The following NHEJ1 variants were observed in gnomAD, a reference collection of about 807,000 sequenced individuals.
NHEJ1 encodes the protein non-homologous end joining factor 1.
Under a neutral mutation model 39.4 loss-of-function variants are expected in NHEJ1, and 22 were observed. The observed-to-expected ratio is 0.56, with a 90% CI of 0.40 to 0.80. The LOEUF is 0.80. Among genes scored for constraint, NHEJ1 ranks in the 30% least tolerant of loss-of-function variants. The pLI, the probability that NHEJ1 is intolerant of heterozygous loss-of-function variation, is 0.00. For synonymous variants in NHEJ1, 154 were observed against 135.6 expected, an observed-to-expected ratio of 1.14 and a Z score of -0.94; for missense variants, 329 against 357.1, an observed-to-expected ratio of 0.92 and a Z score of 0.63.
chr2:219,122,061 G>A (rs1168423435), intron 5 of NHEJ1, among the ~76,000 whole-genome samples: 1 of 152,082 alleles, frequency 6.6e-6, no homozygotes, highest in African/African-American at 2.4e-5. Context: ...AGGAGTAGAA[G>A]ACCACTTTAT....
intron 1 of NHEJ1, chr2:219,158,697 C>T: frequency 5.5e-6 from 2 of 364,466 alleles, no homozygotes; most frequent in South Asian, 2.5e-5. Context: ...GAAACCTAAA[C>T]CCTTCTTGTT....
intron 3 of NHEJ1, among the ~76,000 whole-genome samples, chr2:219,153,692 A>AGGGG (rs61240146): frequency 1.9e-4 from 15 of 79,428 alleles, no homozygotes; most frequent in African/African-American, 7.9e-4. Flanking sequence ...AAGAAAGAAA[A>AGGGG]GGGGGGGGGG....
intron 5 of NHEJ1, chr2:219,095,345 A>T (rs763344612): frequency 6.4e-6 from 3 of 470,988 alleles, no homozygotes; most frequent in Non-Finnish European, 1.3e-5. Flanking sequence ...TTTGATGGGT[A>T]TATCTTTTAA....
At chr2:219,106,547 G>A (rs1949315293) in intron 5 of NHEJ1, among the ~76,000 whole-genome samples, 1 of 152,080 alleles carries the variant, frequency 6.6e-6, no homozygotes, top group Admixed American at 6.5e-5. Flanking sequence ...TGCTCTCCTT[G>A]GACTCAGAGA....
At chr2:219,138,352 A>G (rs1016394680) in intron 5 of NHEJ1, among the ~76,000 whole-genome samples, 5 of 152,252 alleles carry the variant, frequency 3.3e-5, no homozygotes, top group African/African-American at 1.2e-4. Context: ...TGCCTTTCAG[A>G]AAACATAAAT....
At chr2:219,112,548 C>T (rs1949375239) in intron 5 of NHEJ1, among the ~76,000 whole-genome samples, 1 of 152,032 alleles carries the variant, frequency 6.6e-6, no homozygotes, top group Non-Finnish European at 1.5e-5. Context: ...TAAAAGTCTC[C>T]TAGGGGCACA....
rs1356295915 is a variant in NHEJ1 at position 219,158,293 on chromosome 2, A to G, written c.70T>C (p.Leu24=). Residue 24 remains leucine, a synonymous_variant, in exon 2 of 8, where the codon TTG becomes CTG. Transcript: ENST00000356853. ...TGCTTGGTGATAAAAACCTTGGCCAAGAGGGAGTTCTCTGCAAGCTGTAGC... is the reference window on the plus strand; with the variant it reads ...TGCTTGGTGATAAAAACCTTGGCCAGGAGGGAGTTCTCTGCAAGCTGTAGC... ...AWLQLAENSL[L]AKVFITKQGY... 6.2e-7 allele frequency: 1 copy of G among 1,614,218 alleles called. No homozygotes were observed. The highest frequency in any genetic ancestry group is 8.5e-7 in the Non-Finnish European group (1 of 1,180,046).
chr2:219,130,008 A>C (rs1176256991), intron 5 of NHEJ1, among the ~76,000 whole-genome samples: 1 of 116,700 alleles, frequency 8.6e-6, no homozygotes. Flanking sequence ...TCTCAGTTCT[A>C]TTTTCAGAAC....
intron 1 of NHEJ1, chr2:219,158,713 T>C (rs539354091): frequency 3.0e-6 from 1 of 331,500 alleles, no homozygotes; most frequent in East Asian, 7.4e-5. Flanking sequence ...TTGTTCCATC[T>C]TTATCACATT....
intron 5 of NHEJ1, among the ~76,000 whole-genome samples, chr2:219,082,777 C>T (rs538193804): frequency 2.4e-4 from 36 of 152,338 alleles, no homozygotes; most frequent in African/African-American, 4.6e-4. Context: ...GCCCACAACA[C>T]GTGACTTCCC....
intron 5 of NHEJ1, among the ~76,000 whole-genome samples, chr2:219,117,491 G>C (rs1011183170): frequency 5.3e-5 from 8 of 152,300 alleles, no homozygotes; most frequent in Middle Eastern, 3.4e-3. Context: ...CTGGTGCCCT[G>C]GGAGTTCCCA....
chr2:219,121,336 T>C (rs1184458090), intron 5 of NHEJ1, among the ~76,000 whole-genome samples: 1 of 152,218 alleles, frequency 6.6e-6, no homozygotes, highest in African/African-American at 2.4e-5. Context: ...TGTACTATCT[T>C]GAGCAAAATG....
chr2:219,131,510 A>C (rs1200633877), intron 5 of NHEJ1, among the ~76,000 whole-genome samples: 1 of 152,242 alleles, frequency 6.6e-6, no homozygotes, highest in Non-Finnish European at 1.5e-5. Flanking sequence ...AAGGGCAAAA[A>C]TCGGCAAATA....
chr2:219,138,582 G>T (rs1388984368), intron 5 of NHEJ1, among the ~76,000 whole-genome samples: 1 of 152,216 alleles, frequency 6.6e-6, no homozygotes, highest in Non-Finnish European at 1.5e-5. Flanking sequence ...AGGCACTTGG[G>T]CTAGACCAGT....
intron 5 of NHEJ1, among the ~76,000 whole-genome samples, chr2:219,090,217 T>C (rs781596868): frequency 1.3e-5 from 2 of 152,176 alleles, no homozygotes; most frequent in Non-Finnish European, 2.9e-5. Context: ...ACTGGGAAAA[T>C]CACTTTATTC....
intron 5 of NHEJ1, among the ~76,000 whole-genome samples, chr2:219,119,866 C>T (rs898408144): frequency 2.6e-5 from 4 of 152,154 alleles, no homozygotes; most frequent in African/African-American, 9.7e-5. Context: ...TTTTTATATC[C>T]AGTCCTACAG....
At chr2:219,091,626 C>T (rs1218699614) in intron 5 of NHEJ1, among the ~76,000 whole-genome samples, 3 of 152,154 alleles carry the variant, frequency 2.0e-5, no homozygotes, top group African/African-American at 7.2e-5. Flanking sequence ...CTAAAGGCTA[C>T]TTCCTGCTAA....
intron 5 of NHEJ1, among the ~76,000 whole-genome samples, chr2:219,145,203 AG>A (rs780557755): frequency 9.3e-5 from 14 of 151,196 alleles, no homozygotes; most frequent in Non-Finnish European, 1.9e-4. Context: ...TGACAGAGCA[AG>A]TGAGGCTTCG....
chr2:219,085,278 A>G (rs1384310579), intron 5 of NHEJ1, among the ~76,000 whole-genome samples: 2 of 152,240 alleles, frequency 1.3e-5, no homozygotes, highest in African/African-American at 2.4e-5. Flanking sequence ...CCTCATTTCA[A>G]ATTTTCCACA....
Sources: gnomAD v4.1 joint callset for allele counts (sites outside exome capture counted in the v4.1 genomes callset) on GRCh38, gnomAD v4.1.1 for gene constraint, MANE v1.5 for transcripts, NCBI Gene and HGNC (gene_info 2026-07-23, HGNC 2026-07-21) for gene names.